Variants in USH2A observed in about 807,000 individuals in gnomAD.
USH2A encodes the protein Usher syndrome 2A (autosomal recessive, mild).
USH2A carries 443 observed loss-of-function variants against 538.9 expected under a neutral mutation model. The observed-to-expected ratio is 0.82, with a 90% CI of 0.76 to 0.89. The LOEUF is 0.89. USH2A is among the 40% of genes least tolerant of loss of function. The probability of loss-of-function intolerance (pLI) is 0.00; values close to 1 mark genes in which losing one functional copy is unlikely to be tolerated. For synonymous variants in USH2A, 2,413 were observed against 2,273.5 expected (o/e 1.06, Z -1.75); for missense variants, 6,633 against 6,324.8 (o/e 1.05, Z -1.65).
At chr1:216,249,167 T>C (rs2036109449) in intron 12 of USH2A, among the ~76,000 whole-genome samples, 1 of 152,108 alleles carries the variant, frequency 6.6e-6, no homozygotes, top group Non-Finnish European at 1.5e-5. Context: ...TTTTTGTTTT[T>C]ATAAAAAGTA....
intron 40 of USH2A, among the ~76,000 whole-genome samples, chr1:215,891,147 T>A (rs1343305196): frequency 2.6e-5 from 4 of 152,194 alleles, no homozygotes; most frequent in Non-Finnish European, 5.9e-5. Flanking sequence ...GAGATGAACT[T>A]GCACTTCAAA....
At chr1:216,010,706 T>C (rs1408258433) in intron 32 of USH2A, among the ~76,000 whole-genome samples, 1 of 151,492 alleles carries the variant, frequency 6.6e-6, no homozygotes, top group Non-Finnish European at 1.5e-5. Context: ...ACATAGACAA[T>C]ACTCTTTTAA....
intron 44 of USH2A, among the ~76,000 whole-genome samples, chr1:215,860,551 A>T (rs1205466597): frequency 6.6e-6 from 1 of 152,220 alleles, no homozygotes; most frequent in East Asian, 1.9e-4. Flanking sequence ...ATGAAAATCA[A>T]ATCTCAATGT....
At chr1:215,880,958 C>T (rs914633616) in intron 41 of USH2A, among the ~76,000 whole-genome samples, 8 of 152,028 alleles carry the variant, frequency 5.3e-5, no homozygotes, top group African/African-American at 1.9e-4. Context: ...TACCAAAAAT[C>T]ACCTGGGTGT....
chr1:215,833,262 T>G (rs77245372), intron 47 of USH2A, among the ~76,000 whole-genome samples: 5,456 of 151,944 alleles, frequency 0.036, 168 homozygotes, highest in East Asian at 0.15. Flanking sequence ...TTTATAAAGG[T>G]CAAAGTTGGA....
Position 215,909,369 on chromosome 1 carries a change from G to T in USH2A, c.7301-8464C>A, listed in dbSNP as rs116444569. ...ACTTCATATGACACTATAATGGTAA[G>T]TACATGTCATTATATATTAGCCTAA... On this transcript the variant is annotated intron_variant, in intron 38 of 71. Transcript: ENST00000307340. Among the ~76,000 whole-genome samples the T allele has an allele frequency of 3.9e-3, 590 of 151,958 alleles. 5 individuals carry two copies. The highest frequency in any genetic ancestry group is 0.014 in the African/African-American group (566 of 41,486).
chr1:215,803,666 C>T (rs908988642), intron 49 of USH2A, among the ~76,000 whole-genome samples: 13 of 152,206 alleles, frequency 8.5e-5, no homozygotes, highest in African/African-American at 3.1e-4. Context: ...ATTCCATGCT[C>T]ATGGGTAGGA....
chr1:215,683,216 TACACACACACACAC>T (rs71167830), intron 61 of USH2A, among the ~76,000 whole-genome samples: 58,676 of 149,428 alleles, frequency 0.39, 11,913 homozygotes, highest in East Asian at 0.5. Flanking sequence ...AATAGTTTTA[TACACACACACACAC>T]ACACACACAC....
chr1:216,196,688 G>A lies in USH2A; in HGVS notation c.4116C>T (p.Pro1372=), dbSNP rs2102460649. 6.2e-7 allele frequency: 1 copy of A among 1,613,262 alleles called. No homozygotes were observed. Among genetic ancestry groups the A allele is most frequent in the Non-Finnish European group, 8.5e-7 (1 of 1,179,602 alleles). Residue 1372 remains proline (P), a synonymous_variant, in exon 19 of 72, where the codon CCC becomes CCT. Transcript: ENST00000307340. ...AGATATTGAGAGAGTACGAAGAGAG[G>A]GGAAAGACTGAAGGAGGGATCATGA... is the stretch of plus-strand genomic sequence containing the variant. ...PVFMIPPSVF[P]LSSYSLNISW...
At position 216,073,576 on chromosome 1, in the gene USH2A, C is replaced by T. The variant is rs1302869453; in HGVS notation, c.5573-276G>A. On this transcript the variant is annotated intron_variant, in intron 27 of 71. Transcript: ENST00000307340. ...AAAGCATTTATTTTACCTCCTTAGG[C>T]CCACATTTTCTAAATTCCGCTTCTT... Among the ~76,000 whole-genome samples, 4 of 152,156 alleles carry T rather than the reference C, an allele frequency of 2.6e-5. No homozygotes were observed. The East Asian group carries it at 7.7e-4, about 29-fold the overall frequency.
rs114573973 is a variant in USH2A at position 215,923,590 on chromosome 1, T to C, written c.7300+11026A>G. Among the ~76,000 whole-genome samples, 608 of 152,222 alleles carry C rather than the reference T, an allele frequency of 4.0e-3. 5 individuals are homozygous for C. The highest frequency in any genetic ancestry group is 0.014 in the African/African-American group (583 of 41,552). The stretch of plus-strand genomic sequence containing the variant: ...ATACAGTGTCCTCATTGGTCAGACC[T>C]GGTGATGCAGTCAACTTCACACACA... On this transcript the variant is annotated intron_variant, in intron 38 of 71. Transcript: ENST00000307340.
At chr1:215,889,258 T>A (rs1324749024) in intron 40 of USH2A, among the ~76,000 whole-genome samples, 1 of 152,212 alleles carries the variant, frequency 6.6e-6, no homozygotes, top group East Asian at 1.9e-4. Flanking sequence ...TTGTTGAATA[T>A]TATGAAACTA....
intron 46 of USH2A, 33 bp downstream of exon 46, chr1:215,844,261 A>G (rs756978841): frequency 1.2e-5 from 19 of 1,604,566 alleles, no homozygotes; most frequent in South Asian, 3.3e-5. Context: ...TAACATATCC[A>G]TAAGCCTAAC....
chr1:215,934,818 A>G, intron 37 of USH2A, 23 bp from the exon 38 acceptor site: 2 of 1,570,222 alleles, frequency 1.3e-6, no homozygotes, highest in Non-Finnish European at 1.7e-6. Flanking sequence ...GAAAATTATT[A>G]AAATAAATAC....
intron 52 of USH2A, 116 bp downstream of exon 52, chr1:215,786,554 G>T: frequency 8.7e-7 from 1 of 1,143,600 alleles, no homozygotes; most frequent in Non-Finnish European, 1.3e-6. Flanking sequence ...AAAGTATGAT[G>T]GAATGTACTG....
rs563432476 is a variant in USH2A at position 215,747,915 on chromosome 1, C to T, written c.11390-4580G>A. On this transcript the variant is annotated intron_variant, in intron 58 of 71. Transcript: ENST00000307340. ...GGTTTTTTTTTTTGAGACGGAGTCTCGCTCTGTCGCCCAGGCCGGACTGCG... is the reference window on the plus strand; with the variant it reads ...GGTTTTTTTTTTTGAGACGGAGTCTTGCTCTGTCGCCCAGGCCGGACTGCG... Among the ~76,000 whole-genome samples the T allele has an allele frequency of 3.4e-3, 499 of 146,316 alleles. 15 individuals are homozygous for T. Among genetic ancestry groups the T allele is most frequent in the Admixed American group, 0.032 (464 of 14,336 alleles).
chr1:215,949,278 T>C (rs1571838724), intron 37 of USH2A, among the ~76,000 whole-genome samples: 1 of 152,036 alleles, frequency 6.6e-6, no homozygotes, highest in Non-Finnish European at 1.5e-5. Context: ...AAAACTTTAA[T>C]GGAGATACAA....
intron 22 of USH2A, among the ~76,000 whole-genome samples, chr1:216,092,189 A>G (rs377566522): frequency 1.4e-4 from 21 of 152,284 alleles, no homozygotes; most frequent in African/African-American, 4.8e-4. Context: ...TAATATGTCA[A>G]TGGTCATTTA....
At chr1:215,876,913 TA>T (rs1664787896) in intron 43 of USH2A, among the ~76,000 whole-genome samples, 1 of 152,120 alleles carries the variant, frequency 6.6e-6, no homozygotes, top group African/African-American at 2.4e-5. Context: ...GCTAGAATGG[TA>T]AACAGGGTTC....
Sources: gnomAD v4.1 joint callset for allele counts (sites outside exome capture counted in the v4.1 genomes callset) on GRCh38, gnomAD v4.1.1 for gene constraint, MANE v1.5 for transcripts, NCBI Gene and HGNC (gene_info 2026-07-23, HGNC 2026-07-21) for gene names.